PHKG1: variants seen among roughly 807,000 people sequenced by gnomAD.
PHKG1 encodes phosphorylase kinase catalytic subunit gamma 1.
A neutral mutation model predicts 50.5 loss-of-function variants in PHKG1; 48 were observed. The observed-to-expected ratio is 0.95, with a 90% CI of 0.75 to 1.21. The LOEUF (loss-of-function observed/expected upper bound fraction) is 1.21. Ranked by LOEUF, PHKG1 falls within the 50% of genes most tolerant of loss-of-function variation. The pLI, the probability that PHKG1 is intolerant of heterozygous loss-of-function variation, is 0.00. For synonymous variants in PHKG1, 204 were observed against 212.8 expected (o/e 0.96, Z 0.36); for missense variants, 487 against 519.5 (o/e 0.94, Z 0.61).
At chr7:56,089,244 A>T (rs1196818375) in intron 1 of PHKG1, among the ~76,000 whole-genome samples, 2 of 151,894 alleles carry the variant, frequency 1.3e-5, no homozygotes, top group African/African-American at 4.8e-5. Context: ...TCTCTACTAT[A>T]CAAAAATTAG....
chr7:56,084,013 C>T, intron 4 of PHKG1: 1 of 621,696 alleles, frequency 1.6e-6, no homozygotes, highest in South Asian at 1.9e-5. Flanking sequence ...AAAAATTTTT[C>T]CCACCATTTC....
chr7:56,080,777 G>C lies in PHKG1; in HGVS notation c.*277C>G. 1 of 494,398 alleles carries C rather than the reference G, an allele frequency of 2.0e-6. No homozygotes were observed. Among genetic ancestry groups the C allele is most frequent in the South Asian group, 2.4e-5 (1 of 42,352 alleles). 30.6% of individuals were successfully genotyped at this position (494,398 alleles called of 1,614,324 possible). A position where few individuals can be genotyped will look rare whatever the true frequency, so the allele number is the denominator to read the frequency against. On this transcript the variant is annotated 3_prime_UTR_variant, in exon 10 of 10. Coordinates refer to ENST00000297373, the MANE Select transcript of PHKG1 (RefSeq NM_006213.5). ...AGAAATGGAGATGGTGGCTCATCTA[G>C]GAAGTAGAGGAGCAGGGGGTTCCTG...
At chr7:56,083,623 C>T (rs754052983) in intron 5 of PHKG1, 27 bp downstream of exon 5, 19 of 1,564,920 alleles carry the variant, frequency 1.2e-5, no homozygotes, top group Admixed American at 5.5e-5. Context: ...TGGGAGGGAG[C>T]GGAGAGAAGG....
In PHKG1 at chr7:56,080,696, C is replaced by A; in HGVS notation, c.*358G>T. The A allele has an allele frequency of 3.3e-6, 1 of 304,188 alleles. No individual in the cohort carries two copies. 18.8% of individuals were successfully genotyped at this position (304,188 alleles called of 1,614,324 possible). On this transcript the variant is annotated 3_prime_UTR_variant, in exon 10 of 10. Transcript: ENST00000297373. The stretch of plus-strand genomic sequence containing the variant: ...GACATTTGTGTCTTTGATCCTCACC[C>A]TGTGACCCTAAGGGAAGAAAGCCTG...
chr7:56,086,746 G>T, intron 4 of PHKG1: 1 of 564,246 alleles, frequency 1.8e-6, no homozygotes, highest in East Asian at 2.9e-5. Context: ...TAATACTGAT[G>T]AGAAAACCAA....
At position 56,088,966 on chromosome 7, in the gene PHKG1, C is replaced by A. The variant is rs756380774; in HGVS notation, c.-25G>T. 6.5e-7 allele frequency: 1 copy of A among 1,546,038 alleles called. No individual in the cohort carries two copies. The highest frequency in any genetic ancestry group is 1.1e-5 in the South Asian group (1 of 89,276). ...TGCTCAGATCTTCAGTGAGGGAACT[C>A]TGGGTGGCTCTGAGAGGGGAAAAGA... On this transcript the variant is annotated 5_prime_UTR_variant, in exon 2 of 10. Transcript: ENST00000297373.
At chr7:56,086,475 GTTTT>G (rs1024628424) in intron 4 of PHKG1, among the ~76,000 whole-genome samples, 1 of 151,724 alleles carries the variant, frequency 6.6e-6, no homozygotes, top group Non-Finnish European at 1.5e-5. Context: ...GAGTTTTGGG[GTTTT>G]TTTTGTTTTG....
At chr7:56,091,768 T>C (rs1373286596) in intron 1 of PHKG1, among the ~76,000 whole-genome samples, 3 of 152,190 alleles carry the variant, frequency 2.0e-5, no homozygotes, top group Non-Finnish European at 2.9e-5. Flanking sequence ...GGAATCCTGG[T>C]GGCCCCACTA....
chr7:56,083,726 A>G lies in PHKG1; in HGVS notation c.318-11T>C. On this transcript the variant is annotated splice_polypyrimidine_tract_variant and intron_variant, in intron 4 of 9. Coordinates refer to ENST00000297373, the MANE Select transcript of PHKG1 (RefSeq NM_006213.5). ...TCCCCTCTCTTCATCCTGTGGAAACAGAGGGTTGATAGCTGGATCGGTCCC... is the reference window on the plus strand; with the variant it reads ...TCCCCTCTCTTCATCCTGTGGAAACGGAGGGTTGATAGCTGGATCGGTCCC... 1 of 1,564,278 alleles carries G rather than the reference A, an allele frequency of 6.4e-7. No individual in the cohort carries two copies. The highest frequency in any genetic ancestry group is 2.3e-5 in the East Asian group (1 of 42,960).
chr7:56,084,234 T>C (rs578227926), intron 4 of PHKG1: 3 of 1,527,248 alleles, frequency 2.0e-6, no homozygotes, highest in Non-Finnish European at 2.6e-6. Context: ...ATTGTATCAG[T>C]GTCTTCCCAT....
intron 4 of PHKG1, 92 bp from the exon 5 acceptor site, chr7:56,083,807 T>C: frequency 1.2e-6 from 1 of 851,688 alleles, no homozygotes; most frequent in Admixed American, 2.0e-5. Flanking sequence ...CCCTGATACC[T>C]CTAGAAGCTA....
Position 56,081,876 on chromosome 7 carries a change from T to C in PHKG1, c.792+17A>G, listed in dbSNP as rs755031337. ...TCGCAGCCCTGAGCCCAGGAGCCAG[T>C]TGGCCTGGCCTCTCACCAGGTCCTT... On this transcript the variant is annotated intron_variant, in intron 8 of 9. Coordinates refer to ENST00000297373, the MANE Select transcript of PHKG1 (RefSeq NM_006213.5). The surrounding 1 kb of genome is among the most constrained non-coding windows in gnomAD (Gnocchi z 4.6). The C allele has an allele frequency of 1.2e-6, 2 of 1,612,828 alleles. No individual in the cohort carries two copies. Among genetic ancestry groups the C allele is most frequent in the African/African-American group, 1.3e-5 (1 of 75,020 alleles).
rs1795946552 is a variant in PHKG1, at chr7:56,080,985, C to T, written c.*69G>A. On this transcript the variant is annotated 3_prime_UTR_variant, in exon 10 of 10. Transcript: ENST00000297373. ...TGCAGAGGCCTGCACGCATCTCACC[C>T]CTTTGACTTGTATTTCCATGGCTTC... 1 of 1,576,882 alleles carries T rather than the reference C, an allele frequency of 6.3e-7. No individual in the cohort carries two copies. Among genetic ancestry groups the T allele is most frequent in the Non-Finnish European group, 8.6e-7 (1 of 1,158,214 alleles).
At chr7:56,092,685 G>A (rs1562883852) in intron 1 of PHKG1, among the ~76,000 whole-genome samples, 151 bp downstream of exon 1, 1 of 152,134 alleles carries the variant, frequency 6.6e-6, no homozygotes, top group Non-Finnish European at 1.5e-5. Context: ...GAGGTTTCAA[G>A]GGTCAATGCT....
At chr7:56,083,098 T>TC in intron 6 of PHKG1, 180 bp downstream of exon 6, 2 of 558,760 alleles carry the variant, frequency 3.6e-6, no homozygotes. Flanking sequence ...AGAGTGAGAC[T>TC]CCATCTCAAA....
Position 56,088,965 on chromosome 7 carries a change from T to G in PHKG1, c.-24A>C. The G allele has an allele frequency of 6.5e-7, 1 of 1,544,322 alleles. No homozygotes were observed. Reference sequence around the variant, plus strand: ...ATGCTCAGATCTTCAGTGAGGGAACTCTGGGTGGCTCTGAGAGGGGAAAAG... The same window carrying G: ...ATGCTCAGATCTTCAGTGAGGGAACGCTGGGTGGCTCTGAGAGGGGAAAAG... On this transcript the variant is annotated 5_prime_UTR_variant, in exon 2 of 10. Coordinates refer to ENST00000297373, the MANE Select transcript of PHKG1 (RefSeq NM_006213.5).
At chr7:56,084,797 CT>C (rs1250334955) in intron 4 of PHKG1, among the ~76,000 whole-genome samples, 1 of 151,894 alleles carries the variant, frequency 6.6e-6, no homozygotes, top group Non-Finnish European at 1.5e-5. Flanking sequence ...CTGGGATGAT[CT>C]AGAAAGGACT....
At chr7:56,085,206 C>T (rs1219237215) in intron 4 of PHKG1, among the ~76,000 whole-genome samples, 1 of 152,124 alleles carries the variant, frequency 6.6e-6, no homozygotes, top group Non-Finnish European at 1.5e-5. Flanking sequence ...TCTGATCCGC[C>T]TGCCTCAGCC....
intron 1 of PHKG1, among the ~76,000 whole-genome samples, chr7:56,091,283 G>T (rs575449140): frequency 6.6e-6 from 1 of 152,182 alleles, no homozygotes; most frequent in East Asian, 1.9e-4. Context: ...TTGGGAGGCC[G>T]AGGCAGGAGG....
Sources: gnomAD v4.1 joint callset for allele counts (sites outside exome capture counted in the v4.1 genomes callset) on GRCh38, gnomAD v4.1.1 for gene constraint, Gnocchi (gnomAD v3.1) non-coding constraint, MANE v1.5 for transcripts, NCBI Gene and HGNC (gene_info 2026-07-23, HGNC 2026-07-21) for gene names.